Variants in SGCD observed in about 807,000 individuals in gnomAD.
The protein encoded by SGCD is delta-sarcoglycan.
A neutral mutation model predicts 36.6 loss-of-function variants in SGCD; 18 were observed. That is an observed-to-expected ratio of 0.49 (90% confidence interval 0.34 to 0.73). The LOEUF is 0.73. Among genes scored for constraint, SGCD ranks in the 30% least tolerant of loss-of-function variants. The pLI, the probability that SGCD is intolerant of heterozygous loss-of-function variation, is 0.01. For synonymous variants in SGCD, 133 were observed against 130.6 expected (o/e 1.02, Z -0.12); for missense variants, 387 against 346.7 (o/e 1.12, Z -0.92).
chr5:155,816,889 G>T, the SGCD span, among the ~76,000 whole-genome samples: 1 of 152,108 alleles, frequency 6.6e-6, no homozygotes, highest in Non-Finnish European at 1.5e-5. Flanking sequence ...ATGTTTTGAG[G>T]ACATTATACG....
intron 3 of SGCD, among the ~76,000 whole-genome samples, chr5:156,465,734 T>C (rs1754693802): frequency 6.6e-6 from 1 of 152,172 alleles, no homozygotes; most frequent in Non-Finnish European, 1.5e-5. Context: ...CTCGTTCCAA[T>C]TGAATCAATT....
chr5:156,566,238 G>A lies in SGCD; in HGVS notation c.295-22993G>A, dbSNP rs111617358. ...GAACATTTTTACACTGTTGGTGAGA[G>A]TGTAAATAAATTCAATTTTTTAAAA... On this transcript the variant is annotated intron_variant, in intron 4 of 8. Transcript: ENST00000337851. 9.1e-3 allele frequency among the ~76,000 whole-genome samples: 1,389 copies of A among 152,230 alleles called. 10 individuals carry two copies. Among genetic ancestry groups the A allele is most frequent in the African/African-American group, 0.032 (1,315 of 41,540 alleles).
intron 7 of SGCD, among the ~76,000 whole-genome samples, chr5:156,717,462 A>G (rs1454706055): frequency 6.6e-6 from 1 of 152,154 alleles, no homozygotes; most frequent in Admixed American, 6.5e-5. Context: ...TTGTTTTTGG[A>G]TAAACTTATC....
the SGCD span, among the ~76,000 whole-genome samples, chr5:155,859,692 G>T: frequency 6.6e-6 from 1 of 152,058 alleles, no homozygotes; most frequent in Non-Finnish European, 1.5e-5. Context: ...GTCTTTTATG[G>T]ATGCATAGCA....
At chr5:156,242,912 T>G (rs1424114759) in intron 3 of SGCD, among the ~76,000 whole-genome samples, 1 of 152,144 alleles carries the variant, frequency 6.6e-6, no homozygotes, top group Non-Finnish European at 1.5e-5. Flanking sequence ...GCAGCCAGAA[T>G]GTCAAGGGTA....
chr5:156,011,532 G>A (rs533971597), intron 1 of SGCD, among the ~76,000 whole-genome samples: 24 of 151,784 alleles, frequency 1.6e-4, no homozygotes, highest in African/African-American at 4.6e-4. Context: ...CTCCTGCCCC[G>A]CGGGTTCAAG....
At chr5:156,021,933 G>T (rs988559880) in intron 1 of SGCD, among the ~76,000 whole-genome samples, 14 of 152,078 alleles carry the variant, frequency 9.2e-5, no homozygotes, top group Non-Finnish European at 1.8e-4. Flanking sequence ...TAATTCATCG[G>T]TTTTTAGTAT....
At chr5:156,725,322 G>A (rs1002855317) in intron 7 of SGCD, among the ~76,000 whole-genome samples, 1 of 152,186 alleles carries the variant, frequency 6.6e-6, no homozygotes, top group Non-Finnish European at 1.5e-5. Context: ...AGGAAGGTTG[G>A]GCCAGGGCCT....
In SGCD at chr5:156,757,664, C is replaced by G; in HGVS notation, c.659C>G (p.Thr220Ser). 2 of 1,609,340 alleles carry G rather than the reference C, an allele frequency of 1.2e-6. No individual in the cohort carries two copies. Among genetic ancestry groups the G allele is most frequent in the South Asian group, 1.1e-5 (1 of 89,776 alleles). The change falls in exon 8 of 9, where the codon ACC becomes AGC. Residue 220 changes from threonine (T) to serine (S), a missense_variant. Thr to Ser is a moderately conservative substitution (Grantham distance 58). Coordinates refer to ENST00000337851, the MANE Select transcript of SGCD (RefSeq NM_000337.6). ...GCAGAAGCTGGCAATATGGAAGCCA[C>G]CTGCAGGACAGAGCTGAGACTGGAA... ...INAEAGNMEA[T>S]CRTELRLESK...
chr5:155,993,655 A>G (rs1401978673), intron 1 of SGCD, among the ~76,000 whole-genome samples: 2 of 152,042 alleles, frequency 1.3e-5, no homozygotes, highest in East Asian at 3.9e-4. Context: ...TCCTGGGGAC[A>G]TTTTTGAACA....
the SGCD span, among the ~76,000 whole-genome samples, chr5:155,754,187 T>C: frequency 9.2e-5 from 14 of 152,336 alleles, no homozygotes; most frequent in Admixed American, 9.1e-4. Flanking sequence ...CATGAATGCT[T>C]TTCTAATCTT....
upstream of SGCD, among the ~76,000 whole-genome samples, chr5:155,865,427 A>C (rs768508287): frequency 8.5e-5 from 13 of 152,130 alleles, no homozygotes; most frequent in Non-Finnish European, 1.8e-4. Context: ...ATCTGGTCTC[A>C]TATAGGTATG....
intron 1 of SGCD, among the ~76,000 whole-genome samples, chr5:155,931,006 C>T (rs1178780355): frequency 2.0e-5 from 3 of 151,968 alleles, no homozygotes; most frequent in Non-Finnish European, 4.4e-5. Flanking sequence ...TGAATTGTTG[C>T]CAAAGCACTC....
chr5:156,704,739 T>A (rs1057493123), intron 7 of SGCD, among the ~76,000 whole-genome samples: 1 of 152,136 alleles, frequency 6.6e-6, no homozygotes, highest in South Asian at 2.1e-4. Context: ...TTGCTTTAAA[T>A]TTTGGTCTAA....
At chr5:155,730,256 C>A in the SGCD span, among the ~76,000 whole-genome samples, 1 of 152,168 alleles carries the variant, frequency 6.6e-6, no homozygotes, top group Non-Finnish European at 1.5e-5. Context: ...ATTCTAATCC[C>A]TTAAAGCTGT....
chr5:155,733,523 A>G, the SGCD span, among the ~76,000 whole-genome samples: 1 of 152,204 alleles, frequency 6.6e-6, no homozygotes, highest in African/African-American at 2.4e-5. Context: ...GGTAGCTTTG[A>G]TAAGCAACTC....
intron 3 of SGCD, among the ~76,000 whole-genome samples, chr5:156,441,337 A>C (rs1324524253): frequency 1.4e-5 from 2 of 143,844 alleles, no homozygotes. Flanking sequence ...GCAAATTAAC[A>C]TATGTCTCAT....
the SGCD span, among the ~76,000 whole-genome samples, chr5:155,840,337 A>C: frequency 7.4e-5 from 11 of 148,390 alleles, no homozygotes; most frequent in African/African-American, 2.7e-4. Context: ...TCCACCTCCT[A>C]GGTTCAAGCC....
chr5:156,720,424 T>C (rs1755440575), intron 7 of SGCD, among the ~76,000 whole-genome samples: 1 of 152,162 alleles, frequency 6.6e-6, no homozygotes, highest in Non-Finnish European at 1.5e-5. Flanking sequence ...TTTGGGGAAA[T>C]GTGTTTGTGC....
Sources: allele counts gnomAD v4.1 joint callset (sites outside exome capture counted in the v4.1 genomes callset), GRCh38; gene constraint gnomAD v4.1.1; transcripts MANE v1.5; gene names NCBI Gene and HGNC (gene_info 2026-07-23, HGNC 2026-07-21).